FZD9: variants seen among roughly 807,000 people sequenced by gnomAD.
FZD9 encodes frizzled class receptor 9.
Under a neutral mutation model 29.9 loss-of-function variants are expected in FZD9, and 29 were observed. The ratio of observed to expected loss-of-function variants is 0.97; its 90% CI spans 0.72 to 1.32. FZD9 has a LOEUF of 1.32. Ranked by LOEUF, FZD9 falls within the 40% of genes most tolerant of loss-of-function variation. The pLI is 0.00. For missense variants in FZD9, 822 were observed against 857.8 expected (o/e 0.96, Z 0.52); for synonymous variants, 384 against 393.9 (o/e 0.97, Z 0.30).
Position 73,434,987 on chromosome 7 carries a change from G to T in FZD9, c.980G>T (p.Ser327Ile). ...FLLLYYFGMA[S>I]SLWWVVLTLT... ...CTGCTCTACTACTTCGGCATGGCCA[G>T]CTCGCTCTGGTGGGTGGTCCTGACG... Residue 327 changes from serine to isoleucine, a missense_variant, in exon 1 of 1, where the codon AGC becomes ATC. Coordinates refer to ENST00000344575, the MANE Select transcript of FZD9 (RefSeq NM_003508.3). 6.2e-7 allele frequency: 1 copy of T among 1,614,076 alleles called. No homozygotes were observed. Among genetic ancestry groups the T allele is most frequent in the South Asian group, 1.1e-5 (1 of 91,090 alleles).
rs782703347 is a variant in FZD9 at position 73,434,716 on chromosome 7, G to C, written c.709G>C (p.Val237Leu). 6 of 1,607,872 alleles carry C rather than the reference G, an allele frequency of 3.7e-6. No homozygotes were observed. The South Asian group carries it at 6.6e-5, about 18-fold the overall frequency. The change falls in exon 1 of 1, where the codon GTG becomes CTG. Residue 237 changes from valine to leucine, a missense_variant. By Grantham distance (32) the Val-to-Leu change is conservative. Transcript: ENST00000344575. ...DKDFALVWMA[V>L]WSALCFFSTA... ...GGACTTCGCGCTGGTCTGGATGGCC[G>C]TGTGGTCGGCGCTGTGCTTCTTCTC...
In FZD9 at chr7:73,434,753, C is replaced by G. The variant is rs1554563421; in HGVS notation, c.746C>G (p.Thr249Ser). ...SALCFFSTAF[T>S]VLTFLLEPHR... Reference sequence around the variant, plus strand: ...CTGTGCTTCTTCTCCACCGCCTTCACTGTGCTCACCTTCTTGCTGGAGCCC... The same window carrying G: ...CTGTGCTTCTTCTCCACCGCCTTCAGTGTGCTCACCTTCTTGCTGGAGCCC... Residue 249 changes from threonine (T) to serine (S), a missense_variant, in exon 1 of 1, where the codon ACT becomes AGT. Thr to Ser is a moderately conservative substitution (Grantham distance 58). Coordinates refer to ENST00000344575, the MANE Select transcript of FZD9 (RefSeq NM_003508.3). 11 of 1,611,694 alleles carry G rather than the reference C, an allele frequency of 6.8e-6. No individual in the cohort carries two copies. The highest frequency in any genetic ancestry group is 9.3e-6 in the Non-Finnish European group (11 of 1,179,960).
rs1787348727 is a variant in FZD9, at chr7:73,434,157, C to T, written c.150C>T (p.Ile50=). Residue 50 remains isoleucine (I), a synonymous_variant, in exon 1 of 1, where the codon ATC becomes ATT. Coordinates refer to ENST00000344575, the MANE Select transcript of FZD9 (RefSeq NM_003508.3). ...QAVEIPMCRG[I]GYNLTRMPNL... ...TGGAGATCCCCATGTGCCGCGGCATCGGCTACAACCTGACCCGCATGCCCA... is the reference window on the plus strand; with the variant it reads ...TGGAGATCCCCATGTGCCGCGGCATTGGCTACAACCTGACCCGCATGCCCA... The T allele has an allele frequency of 9.6e-6, 15 of 1,554,502 alleles. No individual in the cohort carries two copies. The highest frequency in any genetic ancestry group is 1.2e-5 in the Non-Finnish European group (14 of 1,158,374).
Position 73,435,710 on chromosome 7 carries a change from A to G in FZD9, c.1703A>G (p.His568Arg), listed in dbSNP as rs1174351100. ...PGSYGRGTHC[H>R]YKAPTVVLHM... is the part of the protein sequence containing the mutation. ...AGCTACGGACGTGGCACGCACTGCC[A>G]CTATAAGGCTCCCACCGTGGTCTTG... Residue 568 changes from histidine to arginine, a missense_variant, in exon 1 of 1, where the codon CAC becomes CGC. His to Arg is a conservative substitution (Grantham distance 29, BLOSUM62 0). Coordinates refer to ENST00000344575, the MANE Select transcript of FZD9 (RefSeq NM_003508.3). 3.1e-6 allele frequency: 5 copies of G among 1,612,644 alleles called. No individual in the cohort carries two copies. Among genetic ancestry groups the G allele is most frequent in the East Asian group, 2.2e-5 (1 of 44,858 alleles).
Position 73,434,964 on chromosome 7 carries a change from G to C in FZD9, c.957G>C (p.Leu319=). 6.2e-7 allele frequency: 1 copy of C among 1,614,088 alleles called. No individual in the cohort carries two copies. Among genetic ancestry groups the C allele is most frequent in the Non-Finnish European group, 8.5e-7 (1 of 1,180,032 alleles). The part of the protein sequence containing the change: ...ENTGCTLVFL[L]LYYFGMASSL... The stretch of plus-strand genomic sequence containing the variant: ...CGGGCTGCACGCTGGTCTTCCTACT[G>C]CTCTACTACTTCGGCATGGCCAGCT... The change falls in exon 1 of 1, where the codon CTG becomes CTC. Residue 319 remains leucine (L), a synonymous_variant. Transcript: ENST00000344575.
rs914983937 is a variant in FZD9 at position 73,436,112 on chromosome 7, C to G, written c.*329C>G. The G allele has an allele frequency of 4.0e-6, 1 of 247,900 alleles. No homozygotes were observed. The highest frequency in any genetic ancestry group is 8.3e-6 in the Non-Finnish European group (1 of 121,128). 15.4% of individuals were successfully genotyped at this position (247,900 alleles called of 1,614,324 possible). A position where few individuals can be genotyped will look rare whatever the true frequency, so the allele number is the denominator to read the frequency against. Reference sequence around the variant, plus strand: ...GGAAGCTGTGACTGGAATAAACCCCCGCGTGGCACTGCTGAGTCCTCTCTG... The same window carrying G: ...GGAAGCTGTGACTGGAATAAACCCCGGCGTGGCACTGCTGAGTCCTCTCTG... On this transcript the variant is annotated 3_prime_UTR_variant, in exon 1 of 1. Transcript: ENST00000344575.
Position 73,434,313 on chromosome 7 carries a change from C to T in FZD9, c.306C>T (p.Asp102=), listed in dbSNP as rs1237539018. ...LCSLYAPMCT[D]QVSTPIPACR... is the part of the protein sequence containing the mutation. Reference sequence around the variant, plus strand: ...CGCTCTACGCGCCCATGTGCACCGACCAGGTCTCGACGCCCATTCCCGCCT... The same window carrying T: ...CGCTCTACGCGCCCATGTGCACCGATCAGGTCTCGACGCCCATTCCCGCCT... The change falls in exon 1 of 1, where the codon GAC becomes GAT. Residue 102 remains aspartate (D), a synonymous_variant. Transcript: ENST00000344575. 2.5e-5 allele frequency: 39 copies of T among 1,586,522 alleles called. No homozygotes were observed. Among genetic ancestry groups the T allele is most frequent in the Non-Finnish European group, 3.3e-5 (39 of 1,173,500 alleles).
Position 73,434,596 on chromosome 7 carries a change from G to A in FZD9, c.589G>A (p.Glu197Lys). The change falls in exon 1 of 1, where the codon GAG (glutamate) becomes AAG (lysine). Residue 197 changes from glutamate (E) to lysine (K), a missense_variant. Coordinates refer to ENST00000344575, the MANE Select transcript of FZD9 (RefSeq NM_003508.3). ...GPGAGGSGTCENPEKFQYVEK... is the reference protein window; with the variant it reads ...GPGAGGSGTCKNPEKFQYVEK... ...GGGCGCGGGCGGCAGTGGCACCTGC[G>A]AGAACCCCGAGAAGTTCCAGTACGT... 3 of 1,537,892 alleles carry A rather than the reference G, an allele frequency of 2.0e-6. No individual in the cohort carries two copies. Among genetic ancestry groups the A allele is most frequent in the Non-Finnish European group, 2.6e-6 (3 of 1,149,390 alleles).
rs782266329 is a variant in FZD9, at chr7:73,436,107, A to G, written c.*324A>G. 4.0e-5 allele frequency: 10 copies of G among 251,078 alleles called. No homozygotes were observed. Among genetic ancestry groups the G allele is most frequent in the Admixed American group, 2.7e-4 (5 of 18,230 alleles). The allele number at this position is 251,078 out of a possible 1,614,324, so 15.6% of individuals were successfully genotyped here. On this transcript the variant is annotated 3_prime_UTR_variant, in exon 1 of 1. Transcript: ENST00000344575. ...CCTCTGGAAGCTGTGACTGGAATAA[A>G]CCCCCGCGTGGCACTGCTGAGTCCT...
In FZD9 at chr7:73,434,013, C is replaced by A; in HGVS notation, c.6C>A (p.Ala2=). 1 of 1,221,162 alleles carries A rather than the reference C, an allele frequency of 8.2e-7. No individual in the cohort carries two copies. Among genetic ancestry groups the A allele is most frequent in the South Asian group, 4.0e-5 (1 of 25,028 alleles). The allele number at this position is 1,221,162 out of a possible 1,614,324, so 75.6% of individuals were successfully genotyped here. A position where few individuals can be genotyped will look rare whatever the true frequency, so the allele number is the denominator to read the frequency against. Residue 2 remains alanine (A), a synonymous_variant, in exon 1 of 1, where the codon GCC becomes GCA. Coordinates refer to ENST00000344575, the MANE Select transcript of FZD9 (RefSeq NM_003508.3). M[A]VAPLRGALLL... ...TTCGGCCCGGGCCTCCCGGGATGGC[C>A]GTGGCGCCTCTGCGGGGGGCGCTGC... is the stretch of plus-strand genomic sequence containing the variant.
chr7:73,435,484 G>A lies in FZD9; in HGVS notation c.1477G>A (p.Gly493Ser). ...QPCAAAAGPG[G>S]RRDCSLPGGS... ...ATGCGCAGCGGCCGCGGGGCCCGGA[G>A]GCCGGAGGGACTGCTCGCTGCCAGG... The change falls in exon 1 of 1, where the codon GGC becomes AGC. Residue 493 changes from glycine (G) to serine (S), a missense_variant. Coordinates refer to ENST00000344575, the MANE Select transcript of FZD9 (RefSeq NM_003508.3). The A allele has an allele frequency of 1.2e-6, 2 of 1,612,872 alleles. No individual in the cohort carries two copies. Among genetic ancestry groups the A allele is most frequent in the African/African-American group, 1.3e-5 (1 of 75,064 alleles).
rs1554563680 is a variant in FZD9 at position 73,435,688 on chromosome 7, T to C, written c.1681T>C (p.Tyr561His). 1.2e-6 allele frequency: 2 copies of C among 1,613,072 alleles called. No homozygotes were observed. The highest frequency in any genetic ancestry group is 1.7e-6 in the Non-Finnish European group (2 of 1,179,794). Reference protein sequence around the residue: ...RAKACRAPGSYGRGTHCHYKA... With the variant: ...RAKACRAPGSHGRGTHCHYKA... ...CAAGGCCTGCCGCGCCCCCGGGAGCTACGGACGTGGCACGCACTGCCACTA... is the reference window on the plus strand; with the variant it reads ...CAAGGCCTGCCGCGCCCCCGGGAGCCACGGACGTGGCACGCACTGCCACTA... The change falls in exon 1 of 1, where the codon TAC (tyrosine) becomes CAC (histidine). Residue 561 changes from tyrosine to histidine, a missense_variant. Coordinates refer to ENST00000344575, the MANE Select transcript of FZD9 (RefSeq NM_003508.3).
chr7:73,434,154 C>T lies in FZD9; in HGVS notation c.147C>T (p.Gly49=). The change falls in exon 1 of 1, where the codon GGC becomes GGT. Residue 49 remains glycine (G), a synonymous_variant. Transcript: ENST00000344575. The part of the protein sequence containing the change: ...CQAVEIPMCR[G]IGYNLTRMPN... ...CGGTGGAGATCCCCATGTGCCGCGG[C>T]ATCGGCTACAACCTGACCCGCATGC... is the stretch of plus-strand genomic sequence containing the variant. The T allele has an allele frequency of 6.4e-7, 1 of 1,554,648 alleles. No homozygotes were observed. Among genetic ancestry groups the T allele is most frequent in the Non-Finnish European group, 8.6e-7 (1 of 1,158,576 alleles).
Position 73,435,402 on chromosome 7 carries a change from C to G in FZD9, c.1395C>G (p.Cys465Trp). 1 of 1,613,954 alleles carries G rather than the reference C, an allele frequency of 6.2e-7. No homozygotes were observed. The highest frequency in any genetic ancestry group is 1.1e-5 in the South Asian group (1 of 91,082). The change falls in exon 1 of 1, where the codon TGC (cysteine) becomes TGG (tryptophan). Residue 465 changes from cysteine (C) to tryptophan (W), a missense_variant. Cys to Trp is a radical substitution (Grantham distance 215). Transcript: ENST00000344575. ...YTVPATCVIV[C>W]YVYERLNMDF... ...TGCCCGCCACCTGCGTCATCGTTTG[C>G]TATGTCTACGAACGCCTCAACATGG...
At position 73,433,833 on chromosome 7, in the gene FZD9, G is replaced by C; in HGVS notation, c.-175G>C. On this transcript the variant is annotated 5_prime_UTR_variant, in exon 1 of 1. Transcript: ENST00000344575. ...GCGGCGGTGGCGGCTAGGCGGGCTC[G>C]GCGGCTCCTGTCCCTCGGGCGGCTG... 2.9e-6 allele frequency: 1 copy of C among 348,978 alleles called. No homozygotes were observed. The highest frequency in any genetic ancestry group is 4.1e-6 in the Non-Finnish European group (1 of 242,370). The allele number at this position is 348,978 out of a possible 1,614,324, so 21.6% of individuals were successfully genotyped here. A position where few individuals can be genotyped will look rare whatever the true frequency, so the allele number is the denominator to read the frequency against.
rs1787342562 is a variant in FZD9 at position 73,433,972 on chromosome 7, G to A, written c.-36G>A. 1.7e-6 allele frequency: 2 copies of A among 1,173,618 alleles called. No homozygotes were observed. The highest frequency in any genetic ancestry group is 4.2e-5 in the South Asian group (1 of 23,728). 72.7% of individuals were successfully genotyped at this position (1,173,618 alleles called of 1,614,324 possible). A position where few individuals can be genotyped will look rare whatever the true frequency, so the allele number is the denominator to read the frequency against. ...GGGACCGCTGAGCCCGAGTGAGCCGGGGCCGCGCTCCCGCCTTCGGCCCGG... is the reference window on the plus strand; with the variant it reads ...GGGACCGCTGAGCCCGAGTGAGCCGAGGCCGCGCTCCCGCCTTCGGCCCGG... On this transcript the variant is annotated 5_prime_UTR_variant, in exon 1 of 1. Coordinates refer to ENST00000344575, the MANE Select transcript of FZD9 (RefSeq NM_003508.3).
In FZD9 at chr7:73,434,353, G is replaced by A. The variant is rs1554563253; in HGVS notation, c.346G>A (p.Glu116Lys). The change falls in exon 1 of 1, where the codon GAG (glutamate) becomes AAG (lysine). Residue 116 changes from glutamate to lysine, a missense_variant. Coordinates refer to ENST00000344575, the MANE Select transcript of FZD9 (RefSeq NM_003508.3). Reference sequence around the variant, plus strand: ...CATTCCCGCCTGCCGGCCCATGTGCGAGCAGGCGCGCCTGCGCTGCGCGCC... The same window carrying A: ...CATTCCCGCCTGCCGGCCCATGTGCAAGCAGGCGCGCCTGCGCTGCGCGCC... ...TPIPACRPMCEQARLRCAPIM... is the reference protein window; with the variant it reads ...TPIPACRPMCKQARLRCAPIM... 3 of 1,580,144 alleles carry A rather than the reference G, an allele frequency of 1.9e-6. No individual in the cohort carries two copies. Among genetic ancestry groups the A allele is most frequent in the Non-Finnish European group, 2.6e-6 (3 of 1,170,752 alleles).
In FZD9 at chr7:73,433,883, G is replaced by A. The variant is rs1292755113; in HGVS notation, c.-125G>A. The A allele has an allele frequency of 9.5e-5, 72 of 756,722 alleles. No homozygotes were observed. In the African/African-American group the frequency reaches 1.3e-3, roughly 13 times the overall value. 46.9% of individuals were successfully genotyped at this position (756,722 alleles called of 1,614,324 possible). On this transcript the variant is annotated 5_prime_UTR_variant, in exon 1 of 1. Transcript: ENST00000344575. ...GCCCGCTCGCTGCCCAGGGCGCCCG[G>A]ACACACGTGGGCGGCTCAGCGATGG...
At position 73,434,484 on chromosome 7, in the gene FZD9, C is replaced by T; in HGVS notation, c.477C>T (p.Ala159=). The T allele has an allele frequency of 1.3e-6, 2 of 1,485,342 alleles. No homozygotes were observed. The highest frequency in any genetic ancestry group is 1.8e-6 in the Non-Finnish European group (2 of 1,124,596). The allele number at this position is 1,485,342 out of a possible 1,614,324, so 92.0% of individuals were successfully genotyped here. A position where few individuals can be genotyped will look rare whatever the true frequency, so the allele number is the denominator to read the frequency against. ...TGTGCATGGAGGCGCCCGAGAACGCCACGGCCGGCCCCGCGGAGCCCCACA... is the reference window on the plus strand; with the variant it reads ...TGTGCATGGAGGCGCCCGAGAACGCTACGGCCGGCCCCGCGGAGCCCCACA... ...HALCMEAPEN[A]TAGPAEPHKG... The change falls in exon 1 of 1, where the codon GCC becomes GCT. Residue 159 remains alanine, a synonymous_variant. Coordinates refer to ENST00000344575, the MANE Select transcript of FZD9 (RefSeq NM_003508.3).
Sources: allele counts gnomAD v4.1 joint callset, GRCh38; gene constraint gnomAD v4.1.1; transcripts MANE v1.5; gene names NCBI Gene and HGNC (gene_info 2026-07-23, HGNC 2026-07-21).